ATXN1: variants seen among roughly 807,000 people sequenced by gnomAD.
The protein encoded by ATXN1 is ataxin 1.
In ATXN1, 8 loss-of-function variants were observed where a neutral mutation model predicts 56.4. The observed-to-expected ratio is 0.14, with a 90% CI of 0.08 to 0.26. The LOEUF (loss-of-function observed/expected upper bound fraction) is 0.26, where lower values mean the gene tolerates loss of function less well. ATXN1 is among the 10% of genes least tolerant of loss of function. ATXN1 has a pLI of 1.00. For synonymous variants in ATXN1, 514 were observed against 494.6 expected, an observed-to-expected ratio of 1.04 and a Z score of -0.52; for missense variants, 987 against 1,106.5, an observed-to-expected ratio of 0.89 and a Z score of 1.53.
At chr6:16,388,010 C>G (rs1251944150) in intron 6 of ATXN1, among the ~76,000 whole-genome samples, 1 of 152,152 alleles carries the variant, frequency 6.6e-6, no homozygotes, top group African/African-American at 2.4e-5. Context: ...GTGGAGGAGC[C>G]AAGATGTGAA....
chr6:16,313,389 A>AAAACC (rs540170162), intron 7 of ATXN1, among the ~76,000 whole-genome samples: 1 of 152,130 alleles, frequency 6.6e-6, no homozygotes, highest in African/African-American at 2.4e-5. Flanking sequence ...TCTGTCTCTA[A>AAAACC]AAACCAAACC....
rs35749735 is a variant in ATXN1 at position 16,484,947 on chromosome 6, ATGTGTGTGTGTGTGTG to A, written c.-161+1009_-161+1024del. Among the ~76,000 whole-genome samples, 301 of 126,052 alleles carry A rather than the reference ATGTGTGTGTGTGTGTG, an allele frequency of 2.4e-3. 2 individuals carry two copies. Among genetic ancestry groups the A allele is most frequent in the Admixed American group, 0.018 (224 of 12,380 alleles). 82.7% of individuals were successfully genotyped at this position (126,052 alleles called of 152,430 possible). On this transcript the variant is annotated intron_variant, in intron 6 of 7. Coordinates refer to ENST00000436367, the MANE Select transcript of ATXN1 (RefSeq NM_001128164.2). ...TAAGAAGCTGGAAACCTAAATATATATGTGTGTGTGTGTGTGTGTGTGTGTGTGTGTGTGTGTGTGT... is the reference window on the plus strand; with the variant it reads ...TAAGAAGCTGGAAACCTAAATATATATGTGTGTGTGTGTGTGTGTGTGTGT...
chr6:16,689,723 T>A (rs1471389224), intron 2 of ATXN1, among the ~76,000 whole-genome samples: 1 of 152,160 alleles, frequency 6.6e-6, no homozygotes, highest in Non-Finnish European at 1.5e-5. Context: ...CTGATTAATA[T>A]GTCCATCACC....
chr6:16,420,192 T>C (rs1444441400), intron 6 of ATXN1, among the ~76,000 whole-genome samples: 1 of 152,206 alleles, frequency 6.6e-6, no homozygotes, highest in Non-Finnish European at 1.5e-5. Flanking sequence ...CTGTTCTCCA[T>C]AACGTGAGCT....
chr6:16,390,243 G>A, intron 6 of ATXN1, among the ~76,000 whole-genome samples: 1 of 152,120 alleles, frequency 6.6e-6, no homozygotes. Context: ...TTCTGGCAAT[G>A]GTAATTCTCA....
chr6:16,403,266 A>AGAG (rs1278928977), intron 6 of ATXN1, among the ~76,000 whole-genome samples: 1 of 152,208 alleles, frequency 6.6e-6, no homozygotes, highest in East Asian at 1.9e-4. Context: ...CACACGGGCA[A>AGAG]GAGGTTGAAA....
intron 3 of ATXN1, among the ~76,000 whole-genome samples, chr6:16,611,337 G>T (rs1581883688): frequency 6.6e-6 from 1 of 152,080 alleles, no homozygotes; most frequent in Admixed American, 6.5e-5. Context: ...ACAACTAGAA[G>T]ATTAAATATA....
chr6:16,714,828 T>C (rs1759604591), intron 2 of ATXN1, among the ~76,000 whole-genome samples: 1 of 152,188 alleles, frequency 6.6e-6, no homozygotes, highest in African/African-American at 2.4e-5. Flanking sequence ...GGTGAATTCT[T>C]ATCCAGATCA....
rs759830988 is a variant in ATXN1 at position 16,327,150 on chromosome 6, G to C, written c.1161C>G (p.Asn387Lys). Residue 387 changes from asparagine (N) to lysine (K), a missense_variant, in exon 7 of 8, where the codon AAC becomes AAG. Transcript: ENST00000436367. Reference protein sequence around the residue: ...GVRASVMVLPNSNTPAADLEV... With the variant: ...GVRASVMVLPKSNTPAADLEV... ...CCAGGTCAGCTGCGGGCGTGTTGCT[G>C]TTGGGCAGGACCATCACAGAGGCCC... 3.1e-6 allele frequency: 5 copies of C among 1,613,640 alleles called. No homozygotes were observed. In the African/African-American group the frequency reaches 4.0e-5, roughly 13 times the overall value.
At chr6:16,507,351 A>G (rs1030448727) in intron 5 of ATXN1, among the ~76,000 whole-genome samples, 1 of 152,258 alleles carries the variant, frequency 6.6e-6, no homozygotes, top group Non-Finnish European at 1.5e-5. Flanking sequence ...ATCCAGCCAC[A>G]GCACTGCAAT....
intron 3 of ATXN1, among the ~76,000 whole-genome samples, chr6:16,606,720 G>C (rs3793099): frequency 0.67 from 100,956 of 150,940 alleles, 35,838 homozygotes; most frequent in East Asian, 0.95. Context: ...AGTAGAGATG[G>C]GGTTTCGCCG....
intron 5 of ATXN1, among the ~76,000 whole-genome samples, chr6:16,504,374 A>G (rs1760942198): frequency 6.6e-6 from 1 of 152,112 alleles, no homozygotes; most frequent in Non-Finnish European, 1.5e-5. Context: ...TATGACAACC[A>G]TGTGATTTTT....
At chr6:16,361,452 C>A (rs1201026886) in intron 6 of ATXN1, among the ~76,000 whole-genome samples, 1 of 152,136 alleles carries the variant, frequency 6.6e-6, no homozygotes, top group African/African-American at 2.4e-5. Context: ...TAAAAATATG[C>A]CTTTTATCCC....
At chr6:16,524,545 C>T (rs1039802866) in intron 4 of ATXN1, among the ~76,000 whole-genome samples, 2 of 152,166 alleles carry the variant, frequency 1.3e-5, no homozygotes, top group Non-Finnish European at 2.9e-5. Context: ...CTGTGTGGTT[C>T]CAGTTACTTA....
intron 2 of ATXN1, chr6:16,666,896 A>T (rs150126228): frequency 2.0e-4 from 31 of 152,370 alleles, no homozygotes; most frequent in African/African-American, 7.2e-4. Context: ...CTTTTAAAGT[A>T]CATGGAAAGA....
chr6:16,637,378 G>A (rs1351804686), intron 3 of ATXN1, among the ~76,000 whole-genome samples: 3 of 151,648 alleles, frequency 2.0e-5, no homozygotes, highest in African/African-American at 7.3e-5. Context: ...GAAAGCTTTA[G>A]GAGATATACC....
At chr6:16,742,498 T>C (rs1487765153) in intron 2 of ATXN1, among the ~76,000 whole-genome samples, 1 of 152,056 alleles carries the variant, frequency 6.6e-6, no homozygotes, top group Non-Finnish European at 1.5e-5. Context: ...CCTCTGGGGG[T>C]GCTGCAGCGG....
intron 3 of ATXN1, among the ~76,000 whole-genome samples, chr6:16,613,004 G>T (rs1313563258): frequency 6.6e-6 from 1 of 151,090 alleles, no homozygotes; most frequent in African/African-American, 2.4e-5. Context: ...GGTGGCTCAC[G>T]CCTGTAATCC....
At chr6:16,481,902 A>C (rs983461733) in intron 6 of ATXN1, among the ~76,000 whole-genome samples, 1 of 152,216 alleles carries the variant, frequency 6.6e-6, no homozygotes. Context: ...GGATGCTCAC[A>C]AACAAGTGAC....
Sources: gnomAD v4.1 joint callset for allele counts (sites outside exome capture counted in the v4.1 genomes callset) on GRCh38, gnomAD v4.1.1 for gene constraint, MANE v1.5 for transcripts, NCBI Gene and HGNC (gene_info 2026-07-23, HGNC 2026-07-21) for gene names.